Variants in FNDC5 observed in about 807,000 individuals in gnomAD.
FNDC5 encodes the protein fibronectin type III domain containing 5.
In FNDC5, 10 loss-of-function variants were observed where a neutral mutation model predicts 24.6. That is an observed-to-expected ratio of 0.41 (90% CI 0.25 to 0.69). FNDC5 has a LOEUF of 0.69. Among genes scored for constraint, FNDC5 ranks in the 30% least tolerant of loss-of-function variants. The pLI, the probability that FNDC5 is intolerant of heterozygous loss-of-function variation, is 0.34. For missense variants in FNDC5, 226 were observed against 282.9 expected, an observed-to-expected ratio of 0.80 and a Z score of 1.44; for synonymous variants, 90 against 110.7, an observed-to-expected ratio of 0.81 and a Z score of 1.18.
chr1:32,864,611 TA>T (rs754767987), intron 5 of FNDC5, 52 bp downstream of exon 5: 1 of 1,612,200 alleles, frequency 6.2e-7, no homozygotes, highest in South Asian at 1.1e-5. Context: ...GTCCAGGGAT[TA>T]CCAGAGCATG....
chr1:32,864,153 C>T lies in FNDC5; in HGVS notation c.*141G>A. The T allele has an allele frequency of 5.1e-6, 8 of 1,574,628 alleles. No individual in the cohort carries two copies. The highest frequency in any genetic ancestry group is 6.9e-6 in the Non-Finnish European group (8 of 1,159,898). On this transcript the variant is annotated 3_prime_UTR_variant, in exon 6 of 6. Coordinates refer to ENST00000373471, the MANE Select transcript of FNDC5 (RefSeq NM_153756.3). ...GTGCGCCAGAGAGAGGACAGTAAGC[C>T]AGAGGGTACAAGGAGATGGAGGGAA... is the stretch of plus-strand genomic sequence containing the variant.
chr1:32,870,318 G>A (rs1641155108), intron 1 of FNDC5, among the ~76,000 whole-genome samples: 1 of 152,162 alleles, frequency 6.6e-6, no homozygotes, highest in South Asian at 2.1e-4. Flanking sequence ...GAGAGGCCCA[G>A]GTGGGGGAAC....
chr1:32,864,199 T>TAA lies in FNDC5; in HGVS notation c.*94_*95insTT. The TAA allele has an allele frequency of 1.2e-6, 2 of 1,612,576 alleles. No individual in the cohort carries two copies. The highest frequency in any genetic ancestry group is 2.2e-5 in the South Asian group (2 of 90,876). ...GGGAAGAGATGTAGAGAGGGCCAGA[T>TAA]GTTTGTTGGATAATCATCATCAGAA... On this transcript the variant is annotated 3_prime_UTR_variant, in exon 6 of 6. Coordinates refer to ENST00000373471, the MANE Select transcript of FNDC5 (RefSeq NM_153756.3).
upstream of FNDC5, among the ~76,000 whole-genome samples, chr1:32,872,226 G>A (rs1210717702): frequency 6.6e-6 from 1 of 152,090 alleles, no homozygotes; most frequent in Non-Finnish European, 1.5e-5. Context: ...GGACTCCTTC[G>A]CTGGCCCTGT....
intron 4 of FNDC5, among the ~76,000 whole-genome samples, chr1:32,865,163 G>A (rs1267281965): frequency 2.6e-5 from 4 of 151,892 alleles, no homozygotes; most frequent in Admixed American, 6.6e-5. Flanking sequence ...GCAATGGCGC[G>A]ATCTCGGTTC....
At chr1:32,867,909 C>T in intron 3 of FNDC5, 67 bp from the exon 4 acceptor site, 1 of 1,488,556 alleles carries the variant, frequency 6.7e-7, no homozygotes, top group Non-Finnish European at 9.3e-7. Flanking sequence ...AGGGCCAAGC[C>T]CAAGACAACA....
chr1:32,864,191 G>A lies in FNDC5; in HGVS notation c.*103C>T, dbSNP rs1641023941. The A allele has an allele frequency of 1.6e-5, 25 of 1,610,502 alleles. No homozygotes were observed. Among genetic ancestry groups the A allele is most frequent in the Non-Finnish European group, 2.1e-5 (25 of 1,178,060 alleles). Reference sequence around the variant, plus strand: ...GAGATGGAGGGAAGAGATGTAGAGAGGGCCAGATGTTTGTTGGATAATCAT... The same window carrying A: ...GAGATGGAGGGAAGAGATGTAGAGAAGGCCAGATGTTTGTTGGATAATCAT... On this transcript the variant is annotated 3_prime_UTR_variant, in exon 6 of 6. Coordinates refer to ENST00000373471, the MANE Select transcript of FNDC5 (RefSeq NM_153756.3).
chr1:32,868,244 G>C lies in FNDC5; in HGVS notation c.355C>G (p.Pro119Ala), dbSNP rs1047622425. 1.2e-6 allele frequency: 2 copies of C among 1,614,168 alleles called. No homozygotes were observed. Among genetic ancestry groups the C allele is most frequent in the African/African-American group, 2.7e-5 (2 of 75,052 alleles). Residue 119 changes from proline to alanine, a missense_variant, in exon 3 of 6, where the codon CCT becomes GCT. Physicochemically the swap from Pro to Ala is conservative, Grantham distance 27. Transcript: ENST00000373471. This position sits in a 1 kb window ranked among gnomAD's most constrained non-coding sequence, Gnocchi z 4.8. The stretch of plus-strand genomic sequence containing the variant: ...TCACGCGGGGTCTTGAAGAGCACAG[G>C]CTCGCTGGCTGGGCTCTGGCCCTGA...
intron 1 of FNDC5, among the ~76,000 whole-genome samples, chr1:32,869,835 A>G (rs1158995761): frequency 6.6e-6 from 1 of 152,124 alleles, no homozygotes; most frequent in Non-Finnish European, 1.5e-5. Flanking sequence ...GGGCAGGTGC[A>G]GCACGGGGCA....
At position 32,870,672 on chromosome 1, in the gene FNDC5, G is replaced by A. The variant is rs2148712054; in HGVS notation, c.75C>T (p.Cys25=). 2.5e-6 allele frequency: 3 copies of A among 1,207,562 alleles called. No individual in the cohort carries two copies. The highest frequency in any genetic ancestry group is 4.1e-5 in the South Asian group (1 of 24,124). 74.8% of individuals were successfully genotyped at this position (1,207,562 alleles called of 1,614,324 possible). ...CCTTACCCGCCTGCACCAGCGCGAAGCAGACGCAGCCCAGCCACAGGCGGA... is the reference window on the plus strand; with the variant it reads ...CCTTACCCGCCTGCACCAGCGCGAAACAGACGCAGCCCAGCCACAGGCGGA... Residue 25 remains cysteine (C), a synonymous_variant, in exon 1 of 6, where the codon TGC becomes TGT. Transcript: ENST00000373471.
At chr1:32,869,359 G>A (rs1282776748) in intron 1 of FNDC5, among the ~76,000 whole-genome samples, 1 of 152,254 alleles carries the variant, frequency 6.6e-6, no homozygotes, top group Non-Finnish European at 1.5e-5. Flanking sequence ...CTGAAGGTTA[G>A]CTGATGAAAA....
intron 4 of FNDC5, among the ~76,000 whole-genome samples, chr1:32,866,723 G>C (rs936923035): frequency 6.6e-6 from 1 of 152,130 alleles, no homozygotes; most frequent in Non-Finnish European, 1.5e-5. Flanking sequence ...GAAAAAAGAA[G>C]AGTAAACGAA....
At position 32,870,612 on chromosome 1, in the gene FNDC5, AGCCTGCCCCGGC is replaced by A. The variant is rs1390353215; in HGVS notation, c.94+29_94+40del. The A allele has an allele frequency of 5.1e-5, 58 of 1,146,460 alleles. 1 individual carries two copies. In the East Asian group the frequency reaches 1.9e-3, roughly 38 times the overall value. 71.0% of individuals were successfully genotyped at this position (1,146,460 alleles called of 1,614,324 possible). On this transcript the variant is annotated intron_variant, in intron 1 of 5. Transcript: ENST00000373471. ...CTCCCAGGTAGCTGGGCTCGAGAGG[AGCCTGCCCCGGC>A]GCCGGCCCCCCGCCCCGGGCCCCCT... is the stretch of plus-strand genomic sequence containing the variant.
chr1:32,864,579 C>A (rs1641033526), intron 5 of FNDC5, 85 bp downstream of exon 5: 1 of 1,595,344 alleles, frequency 6.3e-7, no homozygotes, highest in Non-Finnish European at 8.5e-7. Flanking sequence ...CCATGCCAGT[C>A]CCCGAGCTGA....
chr1:32,867,108 CA>C (rs918758554), intron 4 of FNDC5, among the ~76,000 whole-genome samples: 3 of 151,182 alleles, frequency 2.0e-5, no homozygotes, highest in Admixed American at 6.6e-5. Flanking sequence ...ACAAAACAAA[CA>C]AAAAAAAACT....
At chr1:32,869,069 A>G in intron 1 of FNDC5, 72 bp from the exon 2 acceptor site, 3 of 890,892 alleles carry the variant, frequency 3.4e-6, no homozygotes, top group Non-Finnish European at 4.4e-6. Context: ...CTCATAAGTA[A>G]GAAGGGGAAA....
chr1:32,869,394 A>G (rs371845554), intron 1 of FNDC5, among the ~76,000 whole-genome samples: 4 of 152,282 alleles, frequency 2.6e-5, no homozygotes, highest in African/African-American at 9.6e-5. Flanking sequence ...TCCCCAGTCC[A>G]GTGCTCTTTT....
chr1:32,867,512 CG>C (rs1212765661), intron 4 of FNDC5, among the ~76,000 whole-genome samples: 3 of 152,050 alleles, frequency 2.0e-5, no homozygotes, highest in Non-Finnish European at 4.4e-5. Context: ...TGAGGGAGGG[CG>C]AAGGCAAGTA....
At chr1:32,867,596 A>T (rs544408151) in intron 4 of FNDC5, among the ~76,000 whole-genome samples, 157 bp downstream of exon 4, 2 of 152,282 alleles carry the variant, frequency 1.3e-5, no homozygotes, top group South Asian at 4.1e-4. Flanking sequence ...AAGGGGTCAG[A>T]TCTGTTTCCC....
Sources: gnomAD v4.1 joint callset for allele counts (sites outside exome capture counted in the v4.1 genomes callset) on GRCh38, gnomAD v4.1.1 for gene constraint, Gnocchi (gnomAD v3.1) non-coding constraint, MANE v1.5 for transcripts, NCBI Gene and HGNC (gene_info 2026-07-23, HGNC 2026-07-21) for gene names.